The following RAPGEF6 variants were observed in gnomAD, a reference collection of about 807,000 sequenced individuals.
The protein encoded by RAPGEF6 is Rap guanine nucleotide exchange factor 6, also known as PDZ domain containing guanine nucleotide exchange factor (GEF) 2.
A neutral mutation model predicts 171.4 loss-of-function variants in RAPGEF6; 56 were observed. The ratio of observed to expected loss-of-function variants is 0.33; its 90% CI spans 0.26 to 0.41. The LOEUF is 0.41. RAPGEF6 is among the 10% of genes least tolerant of loss of function. The pLI, the probability that RAPGEF6 is intolerant of heterozygous loss-of-function variation, is 1.00. For missense variants in RAPGEF6, 1,674 were observed against 1,921.4 expected (o/e 0.87, Z 2.41); for synonymous variants, 692 against 650.1 (o/e 1.06, Z -0.98).
chr5:131,495,447 G>T, intron 13 of RAPGEF6, 106 bp downstream of exon 13: 1 of 762,532 alleles, frequency 1.3e-6, no homozygotes, highest in South Asian at 2.1e-5. Context: ...TCTAAGAATG[G>T]ACATTTAAGA....
chr5:131,433,647 T>C lies in RAPGEF6; in HGVS notation c.3757A>G (p.Ile1253Val). The C allele has an allele frequency of 6.2e-7, 1 of 1,605,250 alleles. No homozygotes were observed. Among genetic ancestry groups the C allele is most frequent in the Non-Finnish European group, 8.5e-7 (1 of 1,172,834 alleles). The change falls in exon 25 of 28, where the codon ATT becomes GTT. Residue 1253 changes from isoleucine to valine, a missense_variant. By Grantham distance (29) the Ile-to-Val change is conservative (BLOSUM62 3). This residue lies in a region of RAPGEF6 where 552 missense variants were observed against 574.2 expected (regional missense o/e 0.96). Coordinates refer to ENST00000509018, the MANE Select transcript of RAPGEF6 (RefSeq NM_016340.6). ...AAGTTGTCAGATTTAGCTGATGGAA[T>C]AAGTGTGTAACCTGAACAAGAAAAG... ...QGSPHKGYTL[I>V]PSAKSDNLSD...
At chr5:131,492,826 T>G in intron 13 of RAPGEF6, 41 bp from the exon 14 acceptor site, 2 of 1,536,462 alleles carry the variant, frequency 1.3e-6, no homozygotes, top group Non-Finnish European at 1.8e-6. Context: ...AATGTATCTA[T>G]TCCTATAGGT....
chr5:131,622,208 C>T (rs1158406257), intron 1 of RAPGEF6, among the ~76,000 whole-genome samples: 1 of 151,986 alleles, frequency 6.6e-6, no homozygotes. Flanking sequence ...AGGATGGTAA[C>T]CTATTTTAGT....
chr5:131,481,724 T>A (rs189162363), intron 15 of RAPGEF6, among the ~76,000 whole-genome samples: 389 of 152,346 alleles, frequency 2.6e-3, no homozygotes, highest in Non-Finnish European at 4.5e-3. Context: ...CTAGAAATGA[T>A]GAGTCATGGT....
chr5:131,501,356 A>T (rs1278632749), intron 11 of RAPGEF6, among the ~76,000 whole-genome samples: 1 of 151,868 alleles, frequency 6.6e-6, no homozygotes, highest in Non-Finnish European at 1.5e-5. Flanking sequence ...AAAAAAATCA[A>T]ATGATCAATC....
chr5:131,456,075 G>A (rs1390131801), intron 19 of RAPGEF6, 63 bp from the exon 20 acceptor site: 4 of 1,141,870 alleles, frequency 3.5e-6, no homozygotes, highest in African/African-American at 3.1e-5. Context: ...ACTCAGGTCA[G>A]CATATACACC....
chr5:131,609,097 A>T (rs1764789140), intron 1 of RAPGEF6, among the ~76,000 whole-genome samples: 1 of 152,072 alleles, frequency 6.6e-6, no homozygotes, highest in African/African-American at 2.4e-5. Context: ...CTGCCATGTG[A>T]TCTTGCACAC....
intron 25 of RAPGEF6, 72 bp from the exon 26 acceptor site, chr5:131,431,421 TTGCCTG>T: frequency 6.7e-7 from 1 of 1,499,136 alleles, no homozygotes; most frequent in Non-Finnish European, 8.9e-7. Flanking sequence ...CAAGTTATTA[TTGCCTG>T]TGAGAAACTA....
chr5:131,605,438 C>CATGT (rs1181252679), intron 1 of RAPGEF6, among the ~76,000 whole-genome samples: 2 of 152,174 alleles, frequency 1.3e-5, no homozygotes, highest in African/African-American at 4.8e-5. Flanking sequence ...CACATGTATA[C>CATGT]ATATGTAACT....
intron 16 of RAPGEF6, among the ~76,000 whole-genome samples, chr5:131,479,120 A>G (rs1755296867): frequency 6.6e-6 from 1 of 152,128 alleles, no homozygotes; most frequent in Admixed American, 6.5e-5. Flanking sequence ...AAAAAGTTCA[A>G]CTTTAGAATT....
At chr5:131,453,022 C>G in intron 21 of RAPGEF6, 32 bp downstream of exon 21, 1 of 1,596,840 alleles carries the variant, frequency 6.3e-7, no homozygotes, top group South Asian at 1.1e-5. Flanking sequence ...CTTGATACCA[C>G]TCTAACACTT....
In RAPGEF6 at chr5:131,446,708, A is replaced by G; in HGVS notation, c.3201-5T>C. ...GTGCTTCCTTGACTCAGTGACCTAT[A>G]AGAAGATGAAAATCACAATAAGGGG... On this transcript the variant is annotated splice_polypyrimidine_tract_variant and splice_region_variant and intron_variant, in intron 21 of 27. Coordinates refer to ENST00000509018, the MANE Select transcript of RAPGEF6 (RefSeq NM_016340.6). 2 of 1,609,972 alleles carry G rather than the reference A, an allele frequency of 1.2e-6. No homozygotes were observed. The highest frequency in any genetic ancestry group is 1.7e-6 in the Non-Finnish European group (2 of 1,176,662).
intron 4 of RAPGEF6, among the ~76,000 whole-genome samples, chr5:131,573,174 T>A (rs1230648046): frequency 6.6e-6 from 1 of 152,064 alleles, no homozygotes; most frequent in Non-Finnish European, 1.5e-5. Context: ...CAGGTCCCAA[T>A]TCTTCGGCAG....
intron 8 of RAPGEF6, among the ~76,000 whole-genome samples, 181 bp downstream of exon 8, chr5:131,510,133 T>C (rs575840461): frequency 5.6e-4 from 86 of 152,286 alleles, no homozygotes; most frequent in African/African-American, 1.9e-3. Context: ...AACAACCTCA[T>C]GGGAGATACC....
chr5:131,445,829 C>T (rs1035672607), intron 22 of RAPGEF6, among the ~76,000 whole-genome samples: 9 of 152,076 alleles, frequency 5.9e-5, no homozygotes, highest in South Asian at 4.2e-4. Flanking sequence ...TGACCCACCA[C>T]GCCTGGCCTT....
chr5:131,435,506 AG>A (rs761064720), intron 24 of RAPGEF6, among the ~76,000 whole-genome samples: 2 of 152,230 alleles, frequency 1.3e-5, no homozygotes, highest in Non-Finnish European at 2.9e-5. Context: ...AATAATACTA[AG>A]AACCACCTGG....
intron 6 of RAPGEF6, among the ~76,000 whole-genome samples, chr5:131,534,096 C>T (rs1759591784): frequency 6.6e-6 from 1 of 151,994 alleles, no homozygotes; most frequent in Non-Finnish European, 1.5e-5. Flanking sequence ...GAAAAACAAT[C>T]ACTGAACAAA....
chr5:131,580,204 G>A (rs1277711663), intron 4 of RAPGEF6, among the ~76,000 whole-genome samples: 1 of 152,206 alleles, frequency 6.6e-6, no homozygotes, highest in Non-Finnish European at 1.5e-5. Flanking sequence ...GGCCTGGTGA[G>A]AATTCGAGCG....
intron 6 of RAPGEF6, among the ~76,000 whole-genome samples, chr5:131,528,354 T>C (rs189450116): frequency 2.8e-5 from 3 of 107,502 alleles, no homozygotes; most frequent in South Asian, 2.8e-4. Context: ...CACACACACA[T>C]ATATATATAT....
Sources: allele counts gnomAD v4.1 joint callset (sites outside exome capture counted in the v4.1 genomes callset), GRCh38; gene constraint gnomAD v4.1.1; regional missense constraint gnomAD v4.1.1; transcripts MANE v1.5; gene names NCBI Gene and HGNC (gene_info 2026-07-23, HGNC 2026-07-21).